Variants in SETD9 observed in about 807,000 individuals in gnomAD.
The protein encoded by SETD9 is SET domain containing 9.
SETD9 carries 37 observed loss-of-function variants against 36.4 expected under a neutral mutation model. The observed-to-expected ratio is 1.02, with a 90% CI of 0.78 to 1.34. SETD9 has a LOEUF of 1.34. Ranked by LOEUF, SETD9 falls within the 40% of genes most tolerant of loss-of-function variation. The pLI is 0.00. For missense variants in SETD9, 323 were observed against 353.2 expected, an observed-to-expected ratio of 0.91 and a Z score of 0.69; for synonymous variants, 128 against 132.9, an observed-to-expected ratio of 0.96 and a Z score of 0.26.
chr5:56,920,448 G>A (rs570789569), downstream of SETD9: 31 of 151,578 alleles, frequency 2.0e-4, no homozygotes, highest in Admixed American at 1.1e-3. Flanking sequence ...ATGGGGCAAA[G>A]GAAAAAAAAA....
rs1034226475 is a variant in SETD9, at chr5:56,917,323, A to C, written c.*421A>C. On this transcript the variant is annotated 3_prime_UTR_variant, in exon 6 of 6. Coordinates refer to ENST00000285947, the MANE Select transcript of SETD9 (RefSeq NM_153706.4). ...TTATTTTTACAGAATTGAGTAAAAA[A>C]TACCTATTGTGTTGCCATGAGTAAA... The C allele has an allele frequency of 1.0e-6, 1 of 988,110 alleles. No homozygotes were observed. 61.2% of individuals were successfully genotyped at this position (988,110 alleles called of 1,614,324 possible). A position where few individuals can be genotyped will look rare whatever the true frequency, so the allele number is the denominator to read the frequency against.
Position 56,909,606 on chromosome 5 carries a change from C to T in SETD9, c.-40C>T. The T allele has an allele frequency of 1.3e-6, 2 of 1,543,556 alleles. No individual in the cohort carries two copies. The highest frequency in any genetic ancestry group is 1.8e-6 in the Non-Finnish European group (2 of 1,141,332). On this transcript the variant is annotated 5_prime_UTR_variant, in exon 1 of 6. Coordinates refer to ENST00000285947, the MANE Select transcript of SETD9 (RefSeq NM_153706.4). ...GGGCGGGCCCGAGGCCTCGATCCGCCTTCCCCGCGCCGTCCTGGTCACGGC... is the reference window on the plus strand; with the variant it reads ...GGGCGGGCCCGAGGCCTCGATCCGCTTTCCCCGCGCCGTCCTGGTCACGGC...
In SETD9 at chr5:56,914,054, A is replaced by G. The variant is rs1749300587; in HGVS notation, c.706+65A>G. 9 of 1,219,428 alleles carry G rather than the reference A, an allele frequency of 7.4e-6. No individual in the cohort carries two copies. In the Admixed American group the frequency reaches 8.9e-5, roughly 12 times the overall value. The allele number at this position is 1,219,428 out of a possible 1,614,324, so 75.5% of individuals were successfully genotyped here. On this transcript the variant is annotated intron_variant, in intron 4 of 5. Transcript: ENST00000285947. ...ATGGCTAATTCTACTCCTTTGTCAT[A>G]TGACTGAGTGCCAAGGGCAGTTGAG...
rs578078003 is a variant in SETD9 at position 56,924,376 on chromosome 5, G to A, written c.813-957G>A. Among the ~76,000 whole-genome samples the A allele has an allele frequency of 1.4e-4, 21 of 152,214 alleles. No individual in the cohort carries two copies. The East Asian group carries it at 4.1e-3, about 29-fold the overall frequency. On this transcript the variant is annotated intron_variant, in intron 5 of 5. Coordinates refer to the SETD9 transcript ENST00000628593. ...TCTTTACTTTTCTTTACTGAGCTCT[G>A]TGATTTTGACTACAGTGAGGGTTCT... is the stretch of plus-strand genomic sequence containing the variant.
At chr5:56,916,632 A>G (rs1446154159) in intron 5 of SETD9, among the ~76,000 whole-genome samples, 183 bp from the exon 6 acceptor site, 1 of 152,202 alleles carries the variant, frequency 6.6e-6, no homozygotes, top group East Asian at 1.9e-4. Context: ...TAAATGATAT[A>G]GATATACTCT....
intron 1 of SETD9, 94 bp from the exon 2 acceptor site, chr5:56,911,075 A>G (rs1749092679): frequency 8.6e-6 from 12 of 1,390,662 alleles, no homozygotes; most frequent in Non-Finnish European, 1.1e-5. Flanking sequence ...GAATAAGCTT[A>G]TAGTTCCTTA....
downstream of SETD9, among the ~76,000 whole-genome samples, chr5:56,926,607 G>A (rs1749994409): frequency 6.6e-6 from 1 of 152,134 alleles, no homozygotes; most frequent in African/African-American, 2.4e-5. Flanking sequence ...TGAAGATGTA[G>A]AGCAATAGAA....
In SETD9 at chr5:56,913,126, T is replaced by C. The variant is rs1749237071; in HGVS notation, c.582T>C (p.Val194=). Reference sequence around the variant, plus strand: ...GGAATGACAAAGGGATATCAAAAGTTGTGTACAGGTAAGTGATGCCCATGT... The same window carrying C: ...GGAATGACAAAGGGATATCAAAAGTCGTGTACAGGTAAGTGATGCCCATGT... ...IDGNDKGISK[V]VYRSCNGRDR... is the part of the protein sequence containing the mutation. Residue 194 remains valine (V), a synonymous_variant, in exon 3 of 6, where the codon GTT becomes GTC. Transcript: ENST00000285947. 1.2e-6 allele frequency: 2 copies of C among 1,614,064 alleles called. No individual in the cohort carries two copies. Among genetic ancestry groups the C allele is most frequent in the Non-Finnish European group, 1.7e-6 (2 of 1,179,978 alleles).
At chr5:56,910,037 G>C (rs756742467) in intron 1 of SETD9, 2 of 1,332,766 alleles carry the variant, frequency 1.5e-6, no homozygotes, top group African/African-American at 3.0e-5. Flanking sequence ...CTCTTTCCCA[G>C]TGTCCGCTGC....
At chr5:56,924,059 A>G in intron 5 of SETD9, 2 of 1,588,288 alleles carry the variant, frequency 1.3e-6, no homozygotes, top group Non-Finnish European at 1.7e-6. Context: ...AAAAAGTTGA[A>G]TTTTTAAAAA....
chr5:56,912,946 T>C, intron 2 of SETD9, 65 bp from the exon 3 acceptor site: 2 of 1,510,830 alleles, frequency 1.3e-6, no homozygotes, highest in Non-Finnish European at 1.8e-6. Context: ...CAAAGAAGGG[T>C]TCTTATCGCA....
rs1412444468 is a variant in SETD9, at chr5:56,923,072, T to C, written c.813-2261T>C. 16 of 1,478,858 alleles carry C rather than the reference T, an allele frequency of 1.1e-5. No individual in the cohort carries two copies. In the East Asian group the frequency reaches 2.1e-4, roughly 19 times the overall value. The allele number at this position is 1,478,858 out of a possible 1,614,324, so 91.6% of individuals were successfully genotyped here. ...CCAGTGAAAGACTATGCAAACCTGA[T>C]AGCTCCCCTCAAGTTTACTGGTGCT... On this transcript the variant is annotated intron_variant, in intron 5 of 5. Coordinates refer to the SETD9 transcript ENST00000628593.
downstream of SETD9, chr5:56,921,963 T>C (rs1749693852): frequency 6.5e-6 from 1 of 152,674 alleles, no homozygotes; most frequent in South Asian, 2.1e-4. Context: ...GAGTTTGAGA[T>C]ACATCTGAAC....
At chr5:56,914,106 C>T in intron 4 of SETD9, 117 bp downstream of exon 4, 1 of 577,032 alleles carries the variant, frequency 1.7e-6, no homozygotes, top group Non-Finnish European at 3.0e-6. Context: ...CTAGTCAAGT[C>T]CTTAAGCAAC....
At chr5:56,909,988 T>C (rs1749018978) in intron 1 of SETD9, 1 of 1,315,336 alleles carries the variant, frequency 7.6e-7, no homozygotes, top group Middle Eastern at 2.8e-4. Context: ...GCTGGAAGCC[T>C]GAAGTGGGCG....
intron 2 of SETD9, among the ~76,000 whole-genome samples, chr5:56,912,707 TTAAA>T (rs916467218): frequency 7.2e-5 from 11 of 152,260 alleles, no homozygotes; most frequent in African/African-American, 2.4e-4. Flanking sequence ...CACATTCTAC[TTAAA>T]TATATATGTG....
rs770553077 is a variant in SETD9 at position 56,913,114 on chromosome 5, G to T, written c.570G>T (p.Gly190=). The T allele has an allele frequency of 3.3e-5, 54 of 1,613,916 alleles. No individual in the cohort carries two copies. In the East Asian group the frequency reaches 4.9e-4, roughly 15 times the overall value. ...TACTCATTGATGGGAATGACAAAGG[G>T]ATATCAAAAGTTGTGTACAGGTAAG... The part of the protein sequence containing the change: ...DGVLIDGNDK[G]ISKVVYRSCN... The change falls in exon 3 of 6, where the codon GGG becomes GGT. Residue 190 remains glycine, a synonymous_variant. Coordinates refer to ENST00000285947, the MANE Select transcript of SETD9 (RefSeq NM_153706.4).
At chr5:56,909,413 T>C (rs1748969119), upstream of SETD9, 1 of 413,678 alleles carries the variant, frequency 2.4e-6, no homozygotes, top group Admixed American at 4.6e-5. Context: ...AAAGAAAAAG[T>C]GGTCAAGGGG....
chr5:56,923,242 GGTGAT>G (rs746647867), intron 5 of SETD9: 6 of 1,614,018 alleles, frequency 3.7e-6, no homozygotes, highest in African/African-American at 2.7e-5. Context: ...TTTTGGCACT[GGTGAT>G]GTGATGTGTG....
Sources: gnomAD v4.1 joint callset for allele counts (sites outside exome capture counted in the v4.1 genomes callset) on GRCh38, gnomAD v4.1.1 for gene constraint, MANE v1.5 for transcripts, NCBI Gene and HGNC (gene_info 2026-07-23, HGNC 2026-07-21) for gene names.